Variants in TOGARAM1 observed in about 807,000 individuals in gnomAD.
TOGARAM1 encodes the protein TOG array regulator of axonemal microtubules protein 1.
Under a neutral mutation model 166.6 loss-of-function variants are expected in TOGARAM1, and 100 were observed. The observed-to-expected ratio is 0.60, with a 90% CI of 0.51 to 0.71. The LOEUF (loss-of-function observed/expected upper bound fraction) is 0.71, where lower values mean the gene tolerates loss of function less well. Among genes scored for constraint, TOGARAM1 ranks in the 30% least tolerant of loss-of-function variants. The probability of loss-of-function intolerance (pLI) is 0.00; values close to 1 mark genes in which losing one functional copy is unlikely to be tolerated. For synonymous variants in TOGARAM1, 758 were observed against 763.8 expected, an observed-to-expected ratio of 0.99 and a Z score of 0.13; for missense variants, 2,029 against 2,102.7, an observed-to-expected ratio of 0.96 and a Z score of 0.69.
At chr14:45,064,656 T>C (rs760560431) in intron 16 of TOGARAM1, among the ~76,000 whole-genome samples, 2 of 152,144 alleles carry the variant, frequency 1.3e-5, no homozygotes, top group African/African-American at 2.4e-5. Flanking sequence ...GTTTTTTGTA[T>C]TTTTTGTACA....
rs1259736892 is a variant in TOGARAM1 at position 45,044,857 on chromosome 14, A to G, written c.4141A>G (p.Asn1381Asp). 6.2e-7 allele frequency: 1 copy of G among 1,610,506 alleles called. No individual in the cohort carries two copies. Among genetic ancestry groups the G allele is most frequent in the Non-Finnish European group, 8.5e-7 (1 of 1,177,990 alleles). Residue 1381 changes from asparagine to aspartate, a missense_variant, in exon 13 of 20, where the codon AAT (asparagine) becomes GAT (aspartate). Around this residue, in one of 2 missense-constraint regions of TOGARAM1, gnomAD observed 576 missense variants for 670.5 expected, o/e 0.86. Coordinates refer to ENST00000361462, the MANE Select transcript of TOGARAM1 (RefSeq NM_001308120.2). ...TGCACGTGCAGTTGTTTCTCTTATC[A>G]ATGGTGGACAAAGGTAATGTTCAAA... ...TPARAVVSLI[N>D]GGQSHLHIAV...
rs545968291 is a variant in TOGARAM1, at chr14:45,016,252, T to TGGA, written c.3238+4180_3238+4182dup. Among the ~76,000 whole-genome samples, 31 of 152,106 alleles carry TGGA rather than the reference T, an allele frequency of 2.0e-4. No homozygotes were observed. In the East Asian group the frequency reaches 5.6e-3, roughly 28 times the overall value. ...GTCTACAAAAAGTACAAAAATAAGC[T>TGGA]GGAGGTGGTGGTGTGCACCTTTGGT... On this transcript the variant is annotated intron_variant, in intron 7 of 19. Transcript: ENST00000361462.
At chr14:45,004,929 T>C (rs1887876411) in intron 4 of TOGARAM1, among the ~76,000 whole-genome samples, 1 of 148,314 alleles carries the variant, frequency 6.7e-6, no homozygotes, top group Non-Finnish European at 1.5e-5. Flanking sequence ...AATTTGAAAC[T>C]TTTTTTTTTT....
chr14:45,072,983 A>C (rs893298031), intron 19 of TOGARAM1, among the ~76,000 whole-genome samples: 2 of 152,200 alleles, frequency 1.3e-5, no homozygotes, highest in Admixed American at 1.3e-4. Flanking sequence ...ATGTTTGATA[A>C]AAGGTCCATG....
In TOGARAM1 at chr14:44,962,528, G is replaced by T; in HGVS notation, c.107G>T (p.Ser36Ile). The change falls in exon 1 of 20, where the codon AGT becomes ATT. Residue 36 changes from serine to isoleucine, a missense_variant. Physicochemically the swap from Ser to Ile is moderately radical, Grantham distance 142. Around this residue, in one of 2 missense-constraint regions of TOGARAM1, gnomAD observed 1,453 missense variants for 1,432.2 expected, o/e 1.01. Coordinates refer to ENST00000361462, the MANE Select transcript of TOGARAM1 (RefSeq NM_001308120.2). Reference sequence around the variant, plus strand: ...CCTTCCGCCCCAGAGACCGATGATAGTCGAGTTGGGGGCATTATGAGAGGA... The same window carrying T: ...CCTTCCGCCCCAGAGACCGATGATATTCGAGTTGGGGGCATTATGAGAGGA... ...SRPSAPETDD[S>I]RVGGIMRGEK... is the part of the protein sequence containing the mutation. The T allele has an allele frequency of 6.2e-7, 1 of 1,613,654 alleles. No homozygotes were observed. Among genetic ancestry groups the T allele is most frequent in the Non-Finnish European group, 8.5e-7 (1 of 1,179,916 alleles).
rs567842372 is a variant in TOGARAM1 at position 45,066,743 on chromosome 14, C to T, written c.4725C>T (p.Asp1575=). Residue 1575 remains aspartate, a synonymous_variant, in exon 17 of 20, where the codon GAC becomes GAT. Coordinates refer to ENST00000361462, the MANE Select transcript of TOGARAM1 (RefSeq NM_001308120.2). ...QLLSDTENNQ[D]LVVGNIVKIF... ...TATCAGATACAGAAAATAATCAAGA[C>T]CTTGTTGTTGGAAACATTGTGAAGG... 1 of 1,612,502 alleles carries T rather than the reference C, an allele frequency of 6.2e-7. No individual in the cohort carries two copies. Among genetic ancestry groups the T allele is most frequent in the African/African-American group, 1.3e-5 (1 of 74,970 alleles).
At position 45,032,171 on chromosome 14, in the gene TOGARAM1, A is replaced by G. The variant is rs1183369614; in HGVS notation, c.3659-52A>G. 3.2e-6 allele frequency: 5 copies of G among 1,542,004 alleles called. No homozygotes were observed. In the Admixed American group the frequency reaches 6.2e-5, roughly 19 times the overall value. Reference sequence around the variant, plus strand: ...CGAGACTCCATCTCAAAAAGATAAAAATTTTTTTTAAAAAGGTTCTCTCAT... The same window carrying G: ...CGAGACTCCATCTCAAAAAGATAAAGATTTTTTTTAAAAAGGTTCTCTCAT... On this transcript the variant is annotated intron_variant, in intron 10 of 19. Coordinates refer to ENST00000361462, the MANE Select transcript of TOGARAM1 (RefSeq NM_001308120.2).
Position 45,066,633 on chromosome 14 carries a change from G to A in TOGARAM1, c.4615G>A (p.Glu1539Lys). The change falls in exon 17 of 20, where the codon GAA (glutamate) becomes AAA (lysine). Residue 1539 changes from glutamate (E) to lysine (K), a missense_variant. By Grantham distance (56) the Glu-to-Lys change is moderately conservative. Transcript: ENST00000361462. ...TRKSVPRNSL[E>K]SAEYLKLITG... ...AAAATCAGTCCCTCGTAATTCCTTA[G>A]AAAGTGCTGAGTACCTTAAACTCAT... 1.9e-6 allele frequency: 3 copies of A among 1,613,452 alleles called. No homozygotes were observed. The highest frequency in any genetic ancestry group is 2.5e-6 in the Non-Finnish European group (3 of 1,179,524).
intron 7 of TOGARAM1, among the ~76,000 whole-genome samples, chr14:45,021,686 G>T (rs535127101): frequency 6.6e-6 from 1 of 152,080 alleles, no homozygotes; most frequent in Non-Finnish European, 1.5e-5. Flanking sequence ...CCGCGGTTGG[G>T]GTAGATAAAA....
At chr14:44,995,684 G>A (rs1887378079) in intron 1 of TOGARAM1, 62 bp from the exon 2 acceptor site, 3 of 1,172,142 alleles carry the variant, frequency 2.6e-6, no homozygotes, top group African/African-American at 3.1e-5. Flanking sequence ...AAGTTATTTT[G>A]TCATATTTAT....
At chr14:45,003,909 C>A in intron 3 of TOGARAM1, 152 bp from the exon 4 acceptor site, 1 of 534,826 alleles carries the variant, frequency 1.9e-6, no homozygotes, top group South Asian at 3.6e-5. Flanking sequence ...ATTTGAATAA[C>A]ACAAATTAAA....
chr14:45,013,404 G>A (rs1336176815), intron 7 of TOGARAM1, among the ~76,000 whole-genome samples: 2 of 152,122 alleles, frequency 1.3e-5, no homozygotes, highest in Middle Eastern at 3.4e-3. Flanking sequence ...TATCATAATC[G>A]GGAATGTGTG....
chr14:45,029,153 T>C (rs555938772), intron 10 of TOGARAM1, among the ~76,000 whole-genome samples: 1 of 152,316 alleles, frequency 6.6e-6, no homozygotes, highest in African/African-American at 2.4e-5. Context: ...GGTGTTAGCC[T>C]GTACAATTGT....
At chr14:45,035,825 T>C (rs902615934) in intron 11 of TOGARAM1, among the ~76,000 whole-genome samples, 5 of 151,358 alleles carry the variant, frequency 3.3e-5, no homozygotes, top group Non-Finnish European at 5.9e-5. Context: ...AAAATAAAAG[T>C]AGTGGGCCAG....
intron 5 of TOGARAM1, 62 bp from the exon 6 acceptor site, chr14:45,008,851 G>A (rs565286642): frequency 7.4e-7 from 1 of 1,360,388 alleles, no homozygotes; most frequent in South Asian, 1.4e-5. Flanking sequence ...AAAATTTAAG[G>A]ATAACTTTTA....
intron 14 of TOGARAM1, among the ~76,000 whole-genome samples, chr14:45,052,144 G>A (rs1882401913): frequency 6.6e-6 from 1 of 152,144 alleles, no homozygotes; most frequent in South Asian, 2.1e-4. Flanking sequence ...CATATGACTA[G>A]CCATGGAAAA....
intron 7 of TOGARAM1, among the ~76,000 whole-genome samples, chr14:45,014,119 C>T (rs1879977658): frequency 6.7e-6 from 1 of 149,504 alleles, no homozygotes; most frequent in South Asian, 2.1e-4. Flanking sequence ...AATCTCAGCT[C>T]ACTGCAAGCT....
At chr14:45,018,069 C>T (rs907217070) in intron 7 of TOGARAM1, among the ~76,000 whole-genome samples, 4 of 152,006 alleles carry the variant, frequency 2.6e-5, no homozygotes, top group Non-Finnish European at 5.9e-5. Context: ...TAGGTTGGTG[C>T]AAAAGTAATT....
At chr14:45,025,639 G>T in intron 7 of TOGARAM1, 144 bp from the exon 8 acceptor site, 4 of 526,462 alleles carry the variant, frequency 7.6e-6, no homozygotes, top group Non-Finnish European at 1.3e-5. Context: ...CATTTATAAT[G>T]ACTTAATGAA....
Sources: allele counts gnomAD v4.1 joint callset (sites outside exome capture counted in the v4.1 genomes callset), GRCh38; gene constraint gnomAD v4.1.1; regional missense constraint gnomAD v4.1.1; transcripts MANE v1.5; gene names NCBI Gene and HGNC (gene_info 2026-07-23, HGNC 2026-07-21).